Variants in KCTD1 observed in about 807,000 individuals in gnomAD.
KCTD1 encodes BTB/POZ domain-containing protein KCTD1.
In KCTD1, 24 loss-of-function variants were observed where a neutral mutation model predicts 66.0. The observed-to-expected ratio is 0.36, with a 90% CI of 0.26 to 0.51. KCTD1 has a LOEUF of 0.51. KCTD1 is among the 20% of genes least tolerant of loss of function. The probability of loss-of-function intolerance (pLI) is 0.95; values close to 1 mark genes in which losing one functional copy is unlikely to be tolerated. For synonymous variants in KCTD1, 511 were observed against 517.2 expected (o/e 0.99, Z 0.16); for missense variants, 943 against 1,205.2 (o/e 0.78, Z 3.22).
At position 26,609,541 on chromosome 18, in the gene KCTD1, T is replaced by C. The variant is rs1215556945; in HGVS notation, c.-16+19606A>G. Among the ~76,000 whole-genome samples, 3 of 152,334 alleles carry C rather than the reference T, an allele frequency of 2.0e-5. No homozygotes were observed. In the East Asian group the frequency reaches 5.8e-4, roughly 29 times the overall value. ...AGATGACTTGCTGTAAAGTTCTTTGTTCTTTAAAATCCTGGATACAATTTA... is the reference window on the plus strand; with the variant it reads ...AGATGACTTGCTGTAAAGTTCTTTGCTCTTTAAAATCCTGGATACAATTTA... On this transcript the variant is annotated intron_variant, in intron 1 of 4. Transcript: ENST00000317932.
intron 1 of KCTD1, among the ~76,000 whole-genome samples, chr18:26,538,201 C>T (rs1984801006): frequency 1.3e-5 from 2 of 151,844 alleles, no homozygotes; most frequent in Admixed American, 6.6e-5. Flanking sequence ...GAGCCGAGAT[C>T]GCACCACTGC....
chr18:26,657,153 G>C (rs41309433), intron 1 of KCTD1, among the ~76,000 whole-genome samples: 350 of 151,840 alleles, frequency 2.3e-3, no homozygotes, highest in Non-Finnish European at 3.4e-3. Context: ...CCGAGAACCG[G>C]GAGCGGCAGC....
intron 1 of KCTD1, among the ~76,000 whole-genome samples, chr18:26,599,060 A>C (rs558338956): frequency 1.3e-5 from 2 of 152,332 alleles, no homozygotes; most frequent in East Asian, 3.9e-4. Flanking sequence ...CATCTAAGAT[A>C]CTATTGACAA....
intron 1 of KCTD1, among the ~76,000 whole-genome samples, chr18:26,636,207 G>C (rs535373328): frequency 6.6e-6 from 1 of 152,264 alleles, no homozygotes; most frequent in Admixed American, 6.5e-5. Flanking sequence ...GTCAGAAGAG[G>C]GGGGAGTTTA....
intron 1 of KCTD1, among the ~76,000 whole-genome samples, chr18:26,584,447 T>C (rs1389008669): frequency 2.6e-5 from 4 of 152,264 alleles, no homozygotes; most frequent in Admixed American, 2.6e-4. Context: ...TTTTATGTGA[T>C]CACTAGAAAA....
intron 1 of KCTD1, among the ~76,000 whole-genome samples, chr18:26,594,201 G>A (rs1216566132): frequency 6.6e-6 from 1 of 152,150 alleles, no homozygotes; most frequent in Non-Finnish European, 1.5e-5. Flanking sequence ...CCTCCTGCTA[G>A]GGAAGGCTTA....
upstream of KCTD1, among the ~76,000 whole-genome samples, chr18:26,553,314 A>G (rs191924312): frequency 6.6e-6 from 1 of 152,310 alleles, no homozygotes; most frequent in East Asian, 1.9e-4. Flanking sequence ...TTGAACTCAG[A>G]TGAAAATTGA....
chr18:26,527,882 T>G (rs1195038387), intron 1 of KCTD1, among the ~76,000 whole-genome samples: 1 of 152,178 alleles, frequency 6.6e-6, no homozygotes, highest in Non-Finnish European at 1.5e-5. Flanking sequence ...CCAGTAATTT[T>G]TTTTCCAGAA....
In KCTD1 at chr18:26,455,454, G is replaced by A. The variant is rs186828722; in HGVS notation, c.*289C>T. ...CCTCGGAAGGCCCAGGACACTTCACGGCCATCACAGCACCAACTGCGGCTG... is the reference window on the plus strand; with the variant it reads ...CCTCGGAAGGCCCAGGACACTTCACAGCCATCACAGCACCAACTGCGGCTG... On this transcript the variant is annotated 3_prime_UTR_variant, in exon 5 of 5. Transcript: ENST00000580059. 4.9e-4 allele frequency: 85 copies of A among 174,480 alleles called. No individual in the cohort carries two copies. The East Asian group carries it at 0.012, about 24-fold the overall frequency. The allele number at this position is 174,480 out of a possible 1,614,324, so 10.8% of individuals were successfully genotyped here.
chr18:26,467,926 G>C (rs145373158), intron 3 of KCTD1, among the ~76,000 whole-genome samples: 200 of 152,318 alleles, frequency 1.3e-3, no homozygotes, highest in African/African-American at 4.7e-3. Context: ...CTATGTCTAG[G>C]AATGGTGGAC....
chr18:26,548,353 C>A lies in KCTD1; in HGVS notation c.184G>T (p.Glu62Ter). The change falls in exon 1 of 5, where the codon GAG (glutamate) becomes TAG (stop). Residue 62 changes from glutamate (E) to a stop codon, truncating the protein, a stop_gained. Transcript: ENST00000580059. LOFTEE classifies it high-confidence loss of function. ...SAGEEEEEEE[E>*]EDEIQEVQIT... The stretch of plus-strand genomic sequence containing the variant: ...TGCACCTCCTGGATCTCGTCCTCCT[C>A]CTCCTCTTCCTCCTCCTCCTCGCCC... 1 of 1,488,456 alleles carries A rather than the reference C, an allele frequency of 6.7e-7. No homozygotes were observed. The highest frequency in any genetic ancestry group is 8.9e-7 in the Non-Finnish European group (1 of 1,120,976). The allele number at this position is 1,488,456 out of a possible 1,614,324, so 92.2% of individuals were successfully genotyped here. A position where few individuals can be genotyped will look rare whatever the true frequency, so the allele number is the denominator to read the frequency against.
intron 1 of KCTD1, among the ~76,000 whole-genome samples, chr18:26,518,556 G>A (rs552378193): frequency 1.6e-4 from 25 of 151,970 alleles, no homozygotes; most frequent in Admixed American, 2.6e-4. Context: ...GAGCCATGGC[G>A]CCCAGCCAAA....
intron 1 of KCTD1, among the ~76,000 whole-genome samples, chr18:26,598,471 T>TACACACACACACACACAC (rs4041522): frequency 7.9e-4 from 118 of 149,774 alleles, no homozygotes; most frequent in Admixed American, 3.3e-3. Context: ...TCTCTTTTTT[T>TACACACACACACACACAC]ACACACACAC....
chr18:26,487,174 A>G (rs1981962505), intron 2 of KCTD1, among the ~76,000 whole-genome samples: 1 of 152,164 alleles, frequency 6.6e-6, no homozygotes, highest in Non-Finnish European at 1.5e-5. Context: ...AGGTGGTTGG[A>G]TGAATGAAAA....
chr18:26,549,995 A>C (rs1985489790), upstream of KCTD1, among the ~76,000 whole-genome samples: 1 of 151,952 alleles, frequency 6.6e-6, no homozygotes. Flanking sequence ...CTTAGGAGGC[A>C]CAGCCCAGGC....
At chr18:26,569,332 A>G (rs1986051129) in intron 1 of KCTD1, among the ~76,000 whole-genome samples, 1 of 152,144 alleles carries the variant, frequency 6.6e-6, no homozygotes, top group Admixed American at 6.6e-5. Context: ...TACAGCTGCC[A>G]CCTAAAAATT....
chr18:26,501,048 T>C lies in KCTD1; in HGVS notation c.1988+24A>G, dbSNP rs1202269709. 15 of 1,608,702 alleles carry C rather than the reference T, an allele frequency of 9.3e-6. No individual in the cohort carries two copies. The South Asian group carries it at 1.5e-4, about 17-fold the overall frequency. On this transcript the variant is annotated intron_variant, in intron 2 of 4. Transcript: ENST00000580059. ...TACCAAATACATGCACGTCGGAGTC[T>C]GATTTTTCAGTTTTTCAGATTACCT...
chr18:26,478,448 A>G (rs1396534151), intron 2 of KCTD1, among the ~76,000 whole-genome samples: 2 of 152,238 alleles, frequency 1.3e-5, no homozygotes, highest in East Asian at 1.9e-4. Context: ...TTTCTGCCAT[A>G]TATTTGTGGA....
At chr18:26,474,816 G>A (rs1981254897) in intron 3 of KCTD1, among the ~76,000 whole-genome samples, 1 of 151,848 alleles carries the variant, frequency 6.6e-6, no homozygotes, top group African/African-American at 2.4e-5. Flanking sequence ...ATTTAGACAG[G>A]CCCCTTCTGC....
Sources: allele counts gnomAD v4.1 joint callset (sites outside exome capture counted in the v4.1 genomes callset), GRCh38; gene constraint gnomAD v4.1.1; transcripts MANE v1.5; gene names NCBI Gene and HGNC (gene_info 2026-07-23, HGNC 2026-07-21).